MTUS2: variants seen among roughly 807,000 people sequenced by gnomAD.
MTUS2 encodes microtubule associated scaffold protein 2, also known as microtubule-associated tumor suppressor candidate 2.
MTUS2 carries 40 observed loss-of-function variants against 114.1 expected under a neutral mutation model. The ratio of observed to expected loss-of-function variants is 0.35; its 90% CI spans 0.27 to 0.46. The LOEUF (loss-of-function observed/expected upper bound fraction) is 0.46, where lower values mean the gene tolerates loss of function less well. Among genes scored for constraint, MTUS2 ranks in the 20% least tolerant of loss-of-function variants. MTUS2 has a pLI of 1.00. For missense variants in MTUS2, 1,679 were observed against 1,705.4 expected (o/e 0.98, Z 0.27); for synonymous variants, 688 against 672.0 (o/e 1.02, Z -0.37).
chr13:28,969,937 T>G (rs1446789213), intron 2 of MTUS2, among the ~76,000 whole-genome samples: 3 of 152,188 alleles, frequency 2.0e-5, no homozygotes, highest in Non-Finnish European at 4.4e-5. Context: ...CCTGCCAGCA[T>G]GCCTGGCTAA....
intron 7 of MTUS2, among the ~76,000 whole-genome samples, chr13:29,347,530 TA>T (rs34713870): frequency 8.1e-5 from 12 of 148,972 alleles, no homozygotes; most frequent in African/African-American, 2.5e-4. Context: ...TTTGGATGAT[TA>T]AAAAAAAAAC....
intron 8 of MTUS2, among the ~76,000 whole-genome samples, chr13:29,438,846 T>C (rs1394900684): frequency 6.6e-6 from 1 of 152,170 alleles, no homozygotes; most frequent in African/African-American, 2.4e-5. Context: ...TGACACAGCT[T>C]AGCAAATGCC....
intron 5 of MTUS2, among the ~76,000 whole-genome samples, chr13:29,125,608 A>G (rs1408127018): frequency 3.3e-5 from 5 of 152,186 alleles, no homozygotes; most frequent in African/African-American, 1.2e-4. Context: ...TTTCTTAGCC[A>G]AAGCACCTTA....
intron 2 of MTUS2, among the ~76,000 whole-genome samples, chr13:28,935,970 C>T (rs1881881403): frequency 6.6e-6 from 1 of 152,100 alleles, no homozygotes; most frequent in African/African-American, 2.4e-5. Context: ...TGGTCTTGAA[C>T]TCCTGGCCTT....
chr13:28,855,370 G>T (rs148432898), intron 2 of MTUS2, among the ~76,000 whole-genome samples: 1 of 151,958 alleles, frequency 6.6e-6, no homozygotes, highest in African/African-American at 2.4e-5. Context: ...CCATCACCTG[G>T]GTATTAAGCC....
chr13:29,244,686 G>A (rs1299791495), intron 5 of MTUS2, among the ~76,000 whole-genome samples: 2 of 152,124 alleles, frequency 1.3e-5, no homozygotes, highest in South Asian at 2.1e-4. Flanking sequence ...GCCGGGCGCG[G>A]TGGCTCACGC....
intron 8 of MTUS2, among the ~76,000 whole-genome samples, chr13:29,415,840 A>G (rs1875620909): frequency 6.6e-6 from 1 of 152,060 alleles, no homozygotes; most frequent in East Asian, 1.9e-4. Context: ...TTGTTGTTCT[A>G]GTGGTTATAT....
intron 4 of MTUS2, among the ~76,000 whole-genome samples, chr13:29,087,696 C>T (rs1485864101): frequency 6.6e-6 from 1 of 152,120 alleles, no homozygotes; most frequent in East Asian, 1.9e-4. Flanking sequence ...AGGAGTCCTT[C>T]CATGATTTTT....
At chr13:29,196,796 A>T (rs539012238) in intron 5 of MTUS2, among the ~76,000 whole-genome samples, 32 of 152,300 alleles carry the variant, frequency 2.1e-4, no homozygotes, top group Admixed American at 6.5e-4. Flanking sequence ...TTTCCATTTT[A>T]AGATTGAATA....
chr13:29,095,522 G>C (rs1890141347), intron 4 of MTUS2, among the ~76,000 whole-genome samples: 1 of 151,398 alleles, frequency 6.6e-6, no homozygotes, highest in South Asian at 2.1e-4. Flanking sequence ...ATCTTCTGAT[G>C]TATACATTAA....
chr13:29,050,863 G>A (rs533940008), intron 4 of MTUS2, among the ~76,000 whole-genome samples: 1 of 152,316 alleles, frequency 6.6e-6, no homozygotes, highest in East Asian at 1.9e-4. Flanking sequence ...AAGCCTTGAG[G>A]TGGGAGTGAG....
At chr13:28,922,504 G>A (rs956535374) in intron 2 of MTUS2, among the ~76,000 whole-genome samples, 1 of 152,168 alleles carries the variant, frequency 6.6e-6, no homozygotes, top group Non-Finnish European at 1.5e-5. Flanking sequence ...GGCTCCATTT[G>A]CTGGGATGGC....
At chr13:28,947,517 C>T (rs902553735) in intron 2 of MTUS2, among the ~76,000 whole-genome samples, 2 of 151,988 alleles carry the variant, frequency 1.3e-5, no homozygotes, top group Non-Finnish European at 2.9e-5. Flanking sequence ...AAGTGTCTAC[C>T]AAAGCCACAT....
At chr13:29,187,286 C>T (rs1219356533) in intron 5 of MTUS2, among the ~76,000 whole-genome samples, 1 of 151,068 alleles carries the variant, frequency 6.6e-6, no homozygotes, top group Non-Finnish European at 1.5e-5. Context: ...AGTAGAAAAA[C>T]ATTATAGAAA....
At chr13:29,425,153 C>A (rs1338789070) in intron 8 of MTUS2, among the ~76,000 whole-genome samples, 1 of 152,186 alleles carries the variant, frequency 6.6e-6, no homozygotes, top group African/African-American at 2.4e-5. Flanking sequence ...GTGGCTCACA[C>A]CTGTAATCCC....
intron 5 of MTUS2, among the ~76,000 whole-genome samples, chr13:29,251,024 C>T (rs1897106596): frequency 6.6e-6 from 1 of 152,118 alleles, no homozygotes. Context: ...TTCTCTTGCT[C>T]CACATGAAAT....
chr13:29,131,963 A>G (rs892691817), intron 5 of MTUS2, among the ~76,000 whole-genome samples: 1 of 152,360 alleles, frequency 6.6e-6, no homozygotes, highest in African/African-American at 2.4e-5. Flanking sequence ...TCTTGACCAC[A>G]AGTCTGTGAG....
chr13:28,880,375 T>G (rs59555121), intron 2 of MTUS2, among the ~76,000 whole-genome samples: 13,328 of 152,188 alleles, frequency 0.088, 1,889 homozygotes, highest in African/African-American at 0.3. Context: ...CAGCAGTAAA[T>G]GAATAAAGCA....
intron 5 of MTUS2, among the ~76,000 whole-genome samples, chr13:29,277,829 A>C (rs1898122744): frequency 6.6e-6 from 1 of 152,150 alleles, no homozygotes; most frequent in South Asian, 2.1e-4. Flanking sequence ...TTCTCAAGAG[A>C]TCTAGAGTAG....
Sources: gnomAD v4.1 joint callset for allele counts (sites outside exome capture counted in the v4.1 genomes callset) on GRCh38, gnomAD v4.1.1 for gene constraint, MANE v1.5 for transcripts, NCBI Gene and HGNC (gene_info 2026-07-23, HGNC 2026-07-21) for gene names.